The following DUS2 variants were observed in gnomAD, a reference collection of about 807,000 sequenced individuals.
The protein encoded by DUS2 is dihydrouridine synthase 2.
In DUS2, 52 loss-of-function variants were observed where a neutral mutation model predicts 71.3. That is an observed-to-expected ratio of 0.73 (90% CI 0.58 to 0.92). The LOEUF (loss-of-function observed/expected upper bound fraction) is 0.92, where lower values mean the gene tolerates loss of function less well. Among genes scored for constraint, DUS2 ranks in the 40% least tolerant of loss-of-function variants. The pLI, the probability that DUS2 is intolerant of heterozygous loss-of-function variation, is 0.00. For synonymous variants in DUS2, 204 were observed against 227.8 expected (o/e 0.90, Z 0.94); for missense variants, 558 against 622.6 (o/e 0.90, Z 1.10).
chr16:68,037,821 C>T (rs1242678084), intron 2 of DUS2, 185 bp from the exon 3 acceptor site: 10 of 519,058 alleles, frequency 1.9e-5, no homozygotes, highest in Non-Finnish European at 1.0e-5. Flanking sequence ...CACTACACTG[C>T]ACTCCAGCCT....
At chr16:68,073,998 C>T in intron 12 of DUS2, 36 bp from the exon 13 acceptor site, 2 of 1,612,680 alleles carry the variant, frequency 1.2e-6, no homozygotes, top group Admixed American at 1.7e-5. Flanking sequence ...GCCTTAGAGC[C>T]TGCCTGGGCA....
chr16:68,063,498 T>C (rs2033967937), intron 8 of DUS2, among the ~76,000 whole-genome samples: 1 of 152,220 alleles, frequency 6.6e-6, no homozygotes, highest in African/African-American at 2.4e-5. Context: ...ATGTAATTAA[T>C]GCCACTGAAT....
chr16:68,032,535 C>T (rs770953691), intron 2 of DUS2, among the ~76,000 whole-genome samples: 5 of 152,104 alleles, frequency 3.3e-5, no homozygotes, highest in South Asian at 4.1e-4. Context: ...TCTGTAGGGA[C>T]GTATCTTCAC....
At chr16:68,069,017 TA>T (rs2034048143) in intron 10 of DUS2, among the ~76,000 whole-genome samples, 1 of 152,108 alleles carries the variant, frequency 6.6e-6, no homozygotes, top group Admixed American at 6.6e-5. Context: ...TGAGATGGGC[TA>T]AAAGTGACCA....
intron 3 of DUS2, among the ~76,000 whole-genome samples, chr16:68,043,590 G>A (rs1049962867): frequency 6.6e-6 from 1 of 152,074 alleles, no homozygotes; most frequent in African/African-American, 2.4e-5. Flanking sequence ...TTGGCCATTT[G>A]TAGGTCATAT....
At chr16:68,049,473 G>T (rs1463757410) in intron 3 of DUS2, 32 bp from the exon 4 acceptor site, 4 of 1,613,056 alleles carry the variant, frequency 2.5e-6, no homozygotes, top group Non-Finnish European at 2.5e-6. Flanking sequence ...TACATGTTCA[G>T]GAATGACAAG....
At chr16:68,065,453 A>T (rs1019461270) in intron 8 of DUS2, among the ~76,000 whole-genome samples, 3 of 149,744 alleles carry the variant, frequency 2.0e-5, no homozygotes, top group East Asian at 4.0e-4. Context: ...CTTTGGGAGG[A>T]TAAAACAGGT....
chr16:68,076,965 A>G (rs1042526241), intron 15 of DUS2, among the ~76,000 whole-genome samples: 4 of 151,710 alleles, frequency 2.6e-5, no homozygotes, highest in Admixed American at 6.6e-5. Flanking sequence ...TTTTTTAGAA[A>G]TGTGGTCTCA....
intron 2 of DUS2, among the ~76,000 whole-genome samples, chr16:68,035,486 C>G (rs1029772664): frequency 6.6e-6 from 1 of 151,502 alleles, no homozygotes; most frequent in African/African-American, 2.4e-5. Context: ...GGGCTCATGT[C>G]ATCATTCTGC....
chr16:68,039,395 T>C (rs1598302664), intron 3 of DUS2, among the ~76,000 whole-genome samples: 1 of 150,940 alleles, frequency 6.6e-6, no homozygotes, highest in Admixed American at 6.6e-5. Context: ...AAACCAGCCT[T>C]GGCAACATAG....
In DUS2 at chr16:68,070,985, C is replaced by T; in HGVS notation, c.687C>T (p.Asp229=). The part of the protein sequence containing the change: ...DHIQQYSDIE[D]FRQATAASSV... ...TCCAACAGTATTCGGACATAGAGGA[C>T]TTTCGACAAGCCACGGCAGCCTCTT... Residue 229 remains aspartate, a synonymous_variant, in exon 12 of 17, where the codon GAC becomes GAT. Coordinates refer to ENST00000565263, the MANE Select transcript of DUS2 (RefSeq NM_017803.5). 1 of 1,614,228 alleles carries T rather than the reference C, an allele frequency of 6.2e-7. No homozygotes were observed. The highest frequency in any genetic ancestry group is 8.5e-7 in the Non-Finnish European group (1 of 1,180,040).
rs996089447 is a variant in DUS2, at chr16:68,023,367, T to C, written c.-99+16T>C. ...CAGCTGCGAGGTCTGTAGCTCCGAA[T>C]AGGGGATGGCGACATCCAGACCCGG... On this transcript the variant is annotated intron_variant, in intron 1 of 16. Coordinates refer to ENST00000565263, the MANE Select transcript of DUS2 (RefSeq NM_017803.5). 4.7e-6 allele frequency: 4 copies of C among 851,226 alleles called. No individual in the cohort carries two copies. Among genetic ancestry groups the C allele is most frequent in the East Asian group, 2.9e-5 (1 of 35,068 alleles). The allele number at this position is 851,226 out of a possible 1,614,324, so 52.7% of individuals were successfully genotyped here. A position where few individuals can be genotyped will look rare whatever the true frequency, so the allele number is the denominator to read the frequency against.
intron 1 of DUS2, 27 bp downstream of exon 1, chr16:68,023,378 G>A: frequency 2.6e-6 from 2 of 771,786 alleles, no homozygotes; most frequent in South Asian, 2.0e-5. Context: ...AGGGGATGGC[G>A]ACATCCAGAC....
In DUS2 at chr16:68,023,424, A is replaced by G. The variant is rs549140683; in HGVS notation, c.-99+73A>G. ...TTGGGGAAGGGCGCGTCGTGGAGGCAGGACTGGAGGCTGGCGATACGAGGC... is the reference window on the plus strand; with the variant it reads ...TTGGGGAAGGGCGCGTCGTGGAGGCGGGACTGGAGGCTGGCGATACGAGGC... On this transcript the variant is annotated intron_variant, in intron 1 of 16. Coordinates refer to ENST00000565263, the MANE Select transcript of DUS2 (RefSeq NM_017803.5). 6.8e-6 allele frequency: 4 copies of G among 588,248 alleles called. No homozygotes were observed. The South Asian group carries it at 7.0e-5, about 10-fold the overall frequency. 36.4% of individuals were successfully genotyped at this position (588,248 alleles called of 1,614,324 possible).
chr16:68,076,641 C>G lies in DUS2; in HGVS notation c.1092C>G (p.Tyr364Ter). ...CCCTTCCTTTCCCCAGGAGAGCATACCCAGCCCAGATCACCCCTAAGATGT... is the reference window on the plus strand; with the variant it reads ...CCCTTCCTTTCCCCAGGAGAGCATAGCCAGCCCAGATCACCCCTAAGATGT... ...KMAVKFDRRA[Y>*]PAQITPKMCL... Residue 364 changes from tyrosine to a stop codon, truncating the protein, a stop_gained, in exon 15 of 17, where the codon TAC (tyrosine) becomes TAG (stop). Coordinates refer to ENST00000565263, the MANE Select transcript of DUS2 (RefSeq NM_017803.5). LOFTEE classifies it high-confidence loss of function. 6.2e-7 allele frequency: 1 copy of G among 1,613,882 alleles called. No homozygotes were observed. Among genetic ancestry groups the G allele is most frequent in the Non-Finnish European group, 8.5e-7 (1 of 1,179,848 alleles).
chr16:68,052,079 A>G (rs1223382349), intron 4 of DUS2, among the ~76,000 whole-genome samples: 3 of 150,076 alleles, frequency 2.0e-5, no homozygotes, highest in African/African-American at 7.4e-5. Context: ...TTTTTTTTGT[A>G]TTTTAGTAGA....
chr16:68,037,558 C>T (rs2033550052), intron 2 of DUS2, among the ~76,000 whole-genome samples: 1 of 151,810 alleles, frequency 6.6e-6, no homozygotes, highest in Non-Finnish European at 1.5e-5. Flanking sequence ...GCTGGGATTA[C>T]AGGTGCCCGC....
chr16:68,025,319 A>G (rs1395116954), intron 1 of DUS2, 96 bp from the exon 2 acceptor site: 3 of 151,114 alleles, frequency 2.0e-5, no homozygotes, highest in Non-Finnish European at 4.4e-5. Context: ...AGCCTGGGCG[A>G]CAGGGCGAGA....
Position 68,038,062 on chromosome 16 carries a change from G to A in DUS2, c.39G>A (p.Lys13=). The A allele has an allele frequency of 1.2e-6, 2 of 1,613,800 alleles. No homozygotes were observed. The highest frequency in any genetic ancestry group is 1.3e-5 in the African/African-American group (1 of 74,952). ...GCCTCTCTCTGTGTTACCATAATAA[G>A]CTAATCCTGGCCCCAATGGTTCGGG... is the stretch of plus-strand genomic sequence containing the variant. ...LNSLSLCYHN[K]LILAPMVRVG... is the part of the protein sequence containing the mutation. The change falls in exon 3 of 17, where the codon AAG becomes AAA. Residue 13 remains lysine (K), a synonymous_variant. Transcript: ENST00000565263.
Sources: gnomAD v4.1 joint callset for allele counts (sites outside exome capture counted in the v4.1 genomes callset) on GRCh38, gnomAD v4.1.1 for gene constraint, MANE v1.5 for transcripts, NCBI Gene and HGNC (gene_info 2026-07-23, HGNC 2026-07-21) for gene names.